The following DYRK4 variants were observed in gnomAD, a reference collection of about 807,000 sequenced individuals.
The protein encoded by DYRK4 is dual specificity tyrosine phosphorylation regulated kinase 4, also known as dual specificity tyrosine-phosphorylation-regulated kinase 4.
A neutral mutation model predicts 68.3 loss-of-function variants in DYRK4; 64 were observed. The ratio of observed to expected loss-of-function variants is 0.94; its 90% CI spans 0.77 to 1.15. DYRK4 has a LOEUF of 1.15. Ranked by LOEUF, DYRK4 falls within the 50% of genes most tolerant of loss-of-function variation. The pLI is 0.00. For synonymous variants in DYRK4, 274 were observed against 289.9 expected (o/e 0.95, Z 0.56); for missense variants, 740 against 764.7 (o/e 0.97, Z 0.38).
chr12:4,567,425 T>C (rs914910229), intron 1 of DYRK4: 4 of 152,994 alleles, frequency 2.6e-5, no homozygotes, highest in African/African-American at 9.6e-5. Flanking sequence ...CTTCCACTTA[T>C]AGAAATTACT....
chr12:4,596,239 A>C lies in DYRK4; in HGVS notation c.718A>C (p.Lys240Gln). ...FGQVAKCLDH[K>Q]NNELVALKII... Reference sequence around the variant, plus strand: ...ACAGGTGGCCAAGTGCTTGGATCACAAAAACAATGAGCTGGTGGCCCTGAA... The same window carrying C: ...ACAGGTGGCCAAGTGCTTGGATCACCAAAACAATGAGCTGGTGGCCCTGAA... The change falls in exon 7 of 15, where the codon AAA becomes CAA. Residue 240 changes from lysine (K) to glutamine (Q), a missense_variant. Around this residue, in one of 3 missense-constraint regions of DYRK4, gnomAD observed 614 missense variants for 603.7 expected, o/e 1.02. Coordinates refer to ENST00000543431, the MANE Select transcript of DYRK4 (RefSeq NM_001394779.1). 6.2e-7 allele frequency: 1 copy of C among 1,614,216 alleles called. No homozygotes were observed. Among genetic ancestry groups the C allele is most frequent in the Non-Finnish European group, 8.5e-7 (1 of 1,180,020 alleles).
chr12:4,600,838 C>T lies in DYRK4; in HGVS notation c.1126+1050C>T, dbSNP rs556081252. Reference sequence around the variant, plus strand: ...ATCACATAGTCATTGAAGTTATTAACTCAATCTCTAGCCCCTTCCCCCTTC... The same window carrying T: ...ATCACATAGTCATTGAAGTTATTAATTCAATCTCTAGCCCCTTCCCCCTTC... On this transcript the variant is annotated intron_variant, in intron 10 of 14. Coordinates refer to ENST00000543431, the MANE Select transcript of DYRK4 (RefSeq NM_001394779.1). 4.0e-5 allele frequency among the ~76,000 whole-genome samples: 6 copies of T among 149,958 alleles called. No individual in the cohort carries two copies. In the South Asian group the frequency reaches 1.3e-3, roughly 33 times the overall value.
chr12:4,601,170 C>T lies in DYRK4; in HGVS notation c.1126+1382C>T, dbSNP rs375434602. On this transcript the variant is annotated intron_variant, in intron 10 of 14. Coordinates refer to ENST00000543431, the MANE Select transcript of DYRK4 (RefSeq NM_001394779.1). The stretch of plus-strand genomic sequence containing the variant: ...TTTCTTATTGTGTCTCACACATGCT[C>T]ATATACAAGCATGTATATTATTAGT... Among the ~76,000 whole-genome samples, 12 of 152,286 alleles carry T rather than the reference C, an allele frequency of 7.9e-5. No individual in the cohort carries two copies. The East Asian group carries it at 1.9e-3, about 24-fold the overall frequency.
At chr12:4,610,429 T>G (rs1385520983) in intron 13 of DYRK4, 145 bp downstream of exon 13, 11 of 790,442 alleles carry the variant, frequency 1.4e-5, no homozygotes, top group Non-Finnish European at 2.1e-5. Context: ...GTCTACAAAT[T>G]GCTTCCACAT....
At chr12:4,573,430 T>C (rs771868521) in intron 2 of DYRK4, 44 of 1,278,194 alleles carry the variant, frequency 3.4e-5, no homozygotes, top group Non-Finnish European at 4.3e-5. Context: ...GAACAAAGAT[T>C]TGAAATTACC....
At chr12:4,567,004 A>G (rs1944683757) in intron 1 of DYRK4, among the ~76,000 whole-genome samples, 1 of 152,250 alleles carries the variant, frequency 6.6e-6, no homozygotes, top group African/African-American at 2.4e-5. Context: ...ATGGGCACAT[A>G]TAAAGATCTA....
rs562221008 is a variant in DYRK4 at position 4,583,974 on chromosome 12, T to C, written c.133-4963T>C. 5.4e-4 allele frequency among the ~76,000 whole-genome samples: 82 copies of C among 152,318 alleles called. No homozygotes were observed. The East Asian group carries it at 7.5e-3, about 14-fold the overall frequency. Reference sequence around the variant, plus strand: ...CCGATGACCCAGCCAGTGGGACTGGTCTTGAAGTTCCAGGGCTGGCACATT... The same window carrying C: ...CCGATGACCCAGCCAGTGGGACTGGCCTTGAAGTTCCAGGGCTGGCACATT... On this transcript the variant is annotated intron_variant, in intron 2 of 14. Coordinates refer to ENST00000543431, the MANE Select transcript of DYRK4 (RefSeq NM_001394779.1).
intron 2 of DYRK4, among the ~76,000 whole-genome samples, chr12:4,580,079 A>G (rs946640616): frequency 6.6e-6 from 1 of 152,226 alleles, no homozygotes; most frequent in Non-Finnish European, 1.5e-5. Flanking sequence ...ATTCATTATC[A>G]TGATTTACCA....
At chr12:4,585,963 C>T (rs948164816) in intron 2 of DYRK4, among the ~76,000 whole-genome samples, 5 of 152,200 alleles carry the variant, frequency 3.3e-5, no homozygotes, top group African/African-American at 7.2e-5. Flanking sequence ...CGCCTGTAAT[C>T]CCAACACTGG....
chr12:4,596,091 A>C, intron 6 of DYRK4, 58 bp from the exon 7 acceptor site: 3 of 1,579,828 alleles, frequency 1.9e-6, no homozygotes, highest in Non-Finnish European at 2.6e-6. Flanking sequence ...AGGGCCATGT[A>C]CCAGGAAGGC....
rs77025581 is a variant in DYRK4 at position 4,582,746 on chromosome 12, G to A, written c.133-6191G>A. Among the ~76,000 whole-genome samples the A allele has an allele frequency of 7.7e-3, 1,170 of 152,294 alleles. 17 individuals carry two copies. Among genetic ancestry groups the A allele is most frequent in the African/African-American group, 0.026 (1,087 of 41,552 alleles). On this transcript the variant is annotated intron_variant, in intron 2 of 14. Transcript: ENST00000543431. ...AACATTCCGAGCAGAAACAGAGCAGGAGTGAAAGTGCTGAGATGTGGAACA... is the reference window on the plus strand; with the variant it reads ...AACATTCCGAGCAGAAACAGAGCAGAAGTGAAAGTGCTGAGATGTGGAACA...
At chr12:4,565,077 T>G (rs559032830) in intron 1 of DYRK4, among the ~76,000 whole-genome samples, 2 of 152,220 alleles carry the variant, frequency 1.3e-5, no homozygotes, top group Non-Finnish European at 2.9e-5. Context: ...TCACTCTAGC[T>G]CTGAGCTGAG....
rs1205918764 is a variant in DYRK4 at position 4,610,161 on chromosome 12, A to C, written c.1367A>C (p.Lys456Thr). Reference sequence around the variant, plus strand: ...GAATGTTCTATCTCTACAGATTCCAAAGGTTTTCCTAAAAATATAACCAAC... The same window carrying C: ...GAATGTTCTATCTCTACAGATTCCACAGGTTTTCCTAAAAATATAACCAAC... ...ASRRQTFFDS[K>T]GFPKNITNNR... Residue 456 changes from lysine to threonine, a missense_variant, in exon 13 of 15, where the codon AAA (lysine) becomes ACA (threonine). By Grantham distance (78) the Lys-to-Thr change is moderately conservative. Coordinates refer to ENST00000543431, the MANE Select transcript of DYRK4 (RefSeq NM_001394779.1). 2 of 1,593,122 alleles carry C rather than the reference A, an allele frequency of 1.3e-6. No individual in the cohort carries two copies. Among genetic ancestry groups the C allele is most frequent in the Admixed American group, 1.8e-5 (1 of 54,610 alleles).
chr12:4,602,564 C>G (rs1457615324), intron 10 of DYRK4: 1 of 1,279,382 alleles, frequency 7.8e-7, no homozygotes, highest in East Asian at 2.3e-5. Flanking sequence ...GCCAACGGCT[C>G]TCCTGTTGAT....
Position 4,574,238 on chromosome 12 carries a change from A to G in DYRK4, c.132+6190A>G, listed in dbSNP as rs1048243977. Among the ~76,000 whole-genome samples the G allele has an allele frequency of 4.6e-4, 69 of 151,542 alleles. No individual in the cohort carries two copies. In the South Asian group the frequency reaches 5.6e-3, roughly 12 times the overall value. ...AGACTCCATCTTAAAAAAAAAAAAA[A>G]AAAAAAAAAGGAAAGAAAGCAGTCC... On this transcript the variant is annotated intron_variant, in intron 2 of 14. Coordinates refer to ENST00000543431, the MANE Select transcript of DYRK4 (RefSeq NM_001394779.1).
intron 13 of DYRK4, 52 bp from the exon 14 acceptor site, chr12:4,612,491 A>G (rs1591811100): frequency 3.3e-6 from 5 of 1,532,536 alleles, no homozygotes; most frequent in Non-Finnish European, 8.8e-7. Flanking sequence ...ATGTTTTAAT[A>G]TATTAAAAGG....
chr12:4,596,970 C>T, intron 8 of DYRK4: 2 of 1,354,750 alleles, frequency 1.5e-6, no homozygotes, highest in South Asian at 1.7e-5. Context: ...GGGTACTGAG[C>T]CAGGTGACAT....
intron 10 of DYRK4, 122 bp downstream of exon 10, chr12:4,599,910 C>A: frequency 3.9e-6 from 3 of 775,332 alleles, no homozygotes; most frequent in Middle Eastern, 2.4e-4. Context: ...TGATTTTGAA[C>A]AAGGTGCTTC....
intron 2 of DYRK4, among the ~76,000 whole-genome samples, chr12:4,575,952 C>T (rs931003050): frequency 1.3e-5 from 2 of 152,154 alleles, no homozygotes; most frequent in African/African-American, 4.8e-5. Flanking sequence ...TTCCTCTTTA[C>T]AGTTTCTCCT....
Sources: gnomAD v4.1 joint callset for allele counts (sites outside exome capture counted in the v4.1 genomes callset) on GRCh38, gnomAD v4.1.1 for gene constraint, gnomAD v4.1.1 regional missense constraint, MANE v1.5 for transcripts, NCBI Gene and HGNC (gene_info 2026-07-23, HGNC 2026-07-21) for gene names.